Variants in GDF15 observed in about 807,000 individuals in gnomAD.
GDF15 encodes growth/differentiation factor 15.
Under a neutral mutation model 8.9 loss-of-function variants are expected in GDF15, and 10 were observed. That is an observed-to-expected ratio of 1.12 (90% CI 0.69 to 1.90). The LOEUF (loss-of-function observed/expected upper bound fraction) is 1.90, where lower values mean the gene tolerates loss of function less well. GDF15 is among the 40% of genes most tolerant of loss of function. GDF15 has a pLI of 0.00. For missense variants in GDF15, 452 were observed against 434.2 expected (o/e 1.04, Z -0.36); for synonymous variants, 228 against 210.6 (o/e 1.08, Z -0.72).
rs370432678 is a variant in GDF15, at chr19:18,386,264, G to T, written c.75G>T (p.Pro25=). Residue 25 remains proline, a synonymous_variant, in exon 1 of 2, where the codon CCG becomes CCT. Transcript: ENST00000252809. ...TGTTGCTGGTGCTCTCGTGGCTGCC[G>T]CATGGGGGCGCCCTGTCTCTGGCCG... ...LLVLLVLSWL[P]HGGALSLAEA... 548 of 1,613,794 alleles carry T rather than the reference G, an allele frequency of 3.4e-4. No individual in the cohort carries two copies. The highest frequency in any genetic ancestry group is 4.5e-4 in the Non-Finnish European group (534 of 1,180,010).
Position 18,388,498 on chromosome 19 carries a change from T to TCGC in GDF15, c.491_493dup (p.Ser164_Gln165insPro), listed in dbSNP as rs2144616238. On this transcript the variant is annotated inframe_insertion, in exon 2 of 2. Transcript: ENST00000252809. This position sits in a 1 kb window ranked among gnomAD's most constrained non-coding sequence, Gnocchi z 4.2. ...GCACCTGCGACTGTCGCCGCCGCCG[T>TCGC]CGCAGTCGGACCAACTGCTGGCAGA... 4 of 1,604,264 alleles carry TCGC rather than the reference T, an allele frequency of 2.5e-6. No homozygotes were observed. The highest frequency in any genetic ancestry group is 3.4e-6 in the Non-Finnish European group (4 of 1,177,522).
In GDF15 at chr19:18,389,150, GATAAAA is replaced by G. The variant is rs1197750217; in HGVS notation, c.*221_*226del. 8 of 457,262 alleles carry G rather than the reference GATAAAA, an allele frequency of 1.7e-5. No homozygotes were observed. The highest frequency in any genetic ancestry group is 3.1e-5 in the Non-Finnish European group (8 of 259,232). The allele number at this position is 457,262 out of a possible 1,614,324, so 28.3% of individuals were successfully genotyped here. A position where few individuals can be genotyped will look rare whatever the true frequency, so the allele number is the denominator to read the frequency against. On this transcript the variant is annotated 3_prime_UTR_variant, in exon 2 of 2. Transcript: ENST00000252809. Reference sequence around the variant, plus strand: ...CTGTGTATTTATTTAAAACTCTGGTGATAAAAATAAAGCTGTCTGAACTGTTCCCTG... The same window carrying G: ...CTGTGTATTTATTTAAAACTCTGGTGATAAAGCTGTCTGAACTGTTCCCTG...
chr19:18,386,358 C>A lies in GDF15; in HGVS notation c.169C>A (p.Arg57=), dbSNP rs778245434. 2 of 1,614,052 alleles carry A rather than the reference C, an allele frequency of 1.2e-6. No individual in the cohort carries two copies. The highest frequency in any genetic ancestry group is 2.2e-5 in the South Asian group (2 of 91,086). Residue 57 remains arginine, a synonymous_variant, in exon 1 of 2, where the codon CGG becomes AGG. Transcript: ENST00000252809. ...HSEDSRFREL[R]KRYEDLLTRL... ...CGAAGACTCCAGATTCCGAGAGTTG[C>A]GGAAACGCTACGAGGACCTGCTAAC...
At position 18,388,812 on chromosome 19, in the gene GDF15, G is replaced by C; in HGVS notation, c.804G>C (p.Thr268=). Residue 268 remains threonine, a synonymous_variant, in exon 2 of 2, where the codon ACG becomes ACC. Transcript: ENST00000252809. The surrounding 1 kb of genome is among the most constrained non-coding windows in gnomAD (Gnocchi z 4.2). Reference sequence around the variant, plus strand: ...GCCTGCACCGCCTGAAGCCCGACACGGTGCCAGCGCCCTGCTGCGTGCCCG... The same window carrying C: ...GCCTGCACCGCCTGAAGCCCGACACCGTGCCAGCGCCCTGCTGCGTGCCCG... ...KTSLHRLKPD[T]VPAPCCVPAS... 6.2e-7 allele frequency: 1 copy of C among 1,612,004 alleles called. No individual in the cohort carries two copies. Among genetic ancestry groups the C allele is most frequent in the Non-Finnish European group, 8.5e-7 (1 of 1,179,978 alleles).
In GDF15 at chr19:18,388,794, C is replaced by G; in HGVS notation, c.786C>G (p.His262Gln). 1 of 1,611,704 alleles carries G rather than the reference C, an allele frequency of 6.2e-7. No individual in the cohort carries two copies. ...NMHAQIKTSL[H>Q]RLKPDTVPAP... is the part of the protein sequence containing the mutation. ...ACGCGCAGATCAAGACGAGCCTGCA[C>G]CGCCTGAAGCCCGACACGGTGCCAG... Residue 262 changes from histidine to glutamine, a missense_variant, in exon 2 of 2, where the codon CAC (histidine) becomes CAG (glutamine). Coordinates refer to ENST00000252809, the MANE Select transcript of GDF15 (RefSeq NM_004864.4). This position sits in a 1 kb window ranked among gnomAD's most constrained non-coding sequence, Gnocchi z 4.2.
Position 18,388,592 on chromosome 19 carries a change from C to A in GDF15, c.584C>A (p.Ala195Glu). Residue 195 changes from alanine (A) to glutamate (E), a missense_variant, in exon 2 of 2, where the codon GCG becomes GAG. By Grantham distance (107) the Ala-to-Glu change is moderately radical. Transcript: ENST00000252809. The surrounding 1 kb of genome is among the most constrained non-coding windows in gnomAD (Gnocchi z 4.2). ...RPQAARGRRR[A>E]RARNGDHCPL... ...CAAGCCGCCAGGGGGCGCCGCAGAG[C>A]GCGTGCGCGCAACGGGGACCACTGT... The A allele has an allele frequency of 6.2e-7, 1 of 1,600,738 alleles. No individual in the cohort carries two copies. Among genetic ancestry groups the A allele is most frequent in the Non-Finnish European group, 8.5e-7 (1 of 1,176,978 alleles).
Position 18,389,106 on chromosome 19 carries a change from G to A in GDF15, c.*171G>A, listed in dbSNP as rs1971870911. ...ATTGGGGTGACCTTCTTGGGGACTCGGGGGCTGGTCTGATGGAACTGTGTA... is the reference window on the plus strand; with the variant it reads ...ATTGGGGTGACCTTCTTGGGGACTCAGGGGCTGGTCTGATGGAACTGTGTA... On this transcript the variant is annotated 3_prime_UTR_variant, in exon 2 of 2. Coordinates refer to ENST00000252809, the MANE Select transcript of GDF15 (RefSeq NM_004864.4). The A allele has an allele frequency of 3.7e-6, 2 of 537,782 alleles. No individual in the cohort carries two copies. The highest frequency in any genetic ancestry group is 6.2e-5 in the East Asian group (2 of 32,188). The allele number at this position is 537,782 out of a possible 1,614,324, so 33.3% of individuals were successfully genotyped here. A position where few individuals can be genotyped will look rare whatever the true frequency, so the allele number is the denominator to read the frequency against.
At chr19:18,387,657 G>A (rs988982351) in intron 1 of GDF15, among the ~76,000 whole-genome samples, 2 of 152,030 alleles carry the variant, frequency 1.3e-5, no homozygotes, top group African/African-American at 2.4e-5. Context: ...CACCTATTGT[G>A]TGCCAGGCAC....
Position 18,388,380 on chromosome 19 carries a change from G to A in GDF15, c.372G>A (p.Leu124=). 1 of 1,611,778 alleles carries A rather than the reference G, an allele frequency of 6.2e-7. No individual in the cohort carries two copies. Among genetic ancestry groups the A allele is most frequent in the East Asian group, 2.2e-5 (1 of 44,846 alleles). The part of the protein sequence containing the change: ...LPEASRLHRA[L]FRLSPTASRS... ...AGGCCTCCCGCCTTCACCGGGCTCT[G>A]TTCCGGCTGTCCCCGACGGCGTCAA... Residue 124 remains leucine, a synonymous_variant, in exon 2 of 2, where the codon CTG becomes CTA. Coordinates refer to ENST00000252809, the MANE Select transcript of GDF15 (RefSeq NM_004864.4). This position sits in a 1 kb window ranked among gnomAD's most constrained non-coding sequence, Gnocchi z 4.2.
Position 18,388,619 on chromosome 19 carries a change from C to G in GDF15, c.611C>G (p.Pro204Arg). 1 of 1,598,078 alleles carries G rather than the reference C, an allele frequency of 6.3e-7. No individual in the cohort carries two copies. The change falls in exon 2 of 2, where the codon CCG becomes CGG. Residue 204 changes from proline to arginine, a missense_variant. Transcript: ENST00000252809. This position sits in a 1 kb window ranked among gnomAD's most constrained non-coding sequence, Gnocchi z 4.2. ...RARARNGDHC[P>R]LGPGRCCRLH... ...CGTGCGCGCAACGGGGACCACTGTC[C>G]GCTCGGGCCCGGGCGTTGCTGCCGT...
Position 18,386,211 on chromosome 19 carries a change from A to T in GDF15, c.22A>T (p.Thr8Ser). The change falls in exon 1 of 2, where the codon ACG (threonine) becomes TCG (serine). Residue 8 changes from threonine (T) to serine (S), a missense_variant. Thr to Ser is a moderately conservative substitution (Grantham distance 58). Coordinates refer to ENST00000252809, the MANE Select transcript of GDF15 (RefSeq NM_004864.4). ...AGCCATGCCCGGGCAAGAACTCAGG[A>T]CGGTGAATGGCTCTCAGATGCTCCT... MPGQELR[T>S]VNGSQMLLVL... The T allele has an allele frequency of 6.2e-7, 1 of 1,612,360 alleles. No individual in the cohort carries two copies. Among genetic ancestry groups the T allele is most frequent in the Non-Finnish European group, 8.5e-7 (1 of 1,179,736 alleles).
At position 18,388,655 on chromosome 19, in the gene GDF15, T is replaced by C. The variant is rs751442752; in HGVS notation, c.647T>C (p.Val216Ala). 5.0e-6 allele frequency: 8 copies of C among 1,602,192 alleles called. No homozygotes were observed. In the African/African-American group the frequency reaches 1.1e-4, roughly 21 times the overall value. ...GGGCGTTGCTGCCGTCTGCACACGG[T>C]CCGCGCGTCGCTGGAAGACCTGGGC... ...GPGRCCRLHT[V>A]RASLEDLGWA... The change falls in exon 2 of 2, where the codon GTC (valine) becomes GCC (alanine). Residue 216 changes from valine (V) to alanine (A), a missense_variant. By Grantham distance (64) the Val-to-Ala change is moderately conservative. Coordinates refer to ENST00000252809, the MANE Select transcript of GDF15 (RefSeq NM_004864.4). The surrounding 1 kb of genome is among the most constrained non-coding windows in gnomAD (Gnocchi z 4.2).
At position 18,388,722 on chromosome 19, in the gene GDF15, C is replaced by A; in HGVS notation, c.714C>A (p.Thr238=). 1.2e-6 allele frequency: 2 copies of A among 1,609,258 alleles called. No individual in the cohort carries two copies. Among genetic ancestry groups the A allele is most frequent in the Non-Finnish European group, 8.5e-7 (1 of 1,179,248 alleles). The change falls in exon 2 of 2, where the codon ACC becomes ACA. Residue 238 remains threonine, a synonymous_variant. Transcript: ENST00000252809. The surrounding 1 kb of genome is among the most constrained non-coding windows in gnomAD (Gnocchi z 4.2). ...TGTCGCCACGGGAGGTGCAAGTGACCATGTGCATCGGCGCGTGCCCGAGCC... is the reference window on the plus strand; with the variant it reads ...TGTCGCCACGGGAGGTGCAAGTGACAATGTGCATCGGCGCGTGCCCGAGCC... ...WVLSPREVQV[T]MCIGACPSQF... is the part of the protein sequence containing the mutation.
rs1465439971 is a variant in GDF15 at position 18,388,665 on chromosome 19, G to A, written c.657G>A (p.Ser219=). The stretch of plus-strand genomic sequence containing the variant: ...GCCGTCTGCACACGGTCCGCGCGTC[G>A]CTGGAAGACCTGGGCTGGGCCGATT... ...RCCRLHTVRA[S]LEDLGWADWV... Residue 219 remains serine (S), a synonymous_variant, in exon 2 of 2, where the codon TCG becomes TCA. Coordinates refer to ENST00000252809, the MANE Select transcript of GDF15 (RefSeq NM_004864.4). This position sits in a 1 kb window ranked among gnomAD's most constrained non-coding sequence, Gnocchi z 4.2. 2 of 1,603,040 alleles carry A rather than the reference G, an allele frequency of 1.2e-6. No individual in the cohort carries two copies. The highest frequency in any genetic ancestry group is 1.7e-6 in the Non-Finnish European group (2 of 1,175,398).
rs749362675 is a variant in GDF15 at position 18,386,584 on chromosome 19, C to T, written c.277+118C>T. 6.3e-5 allele frequency: 54 copies of T among 852,220 alleles called. No homozygotes were observed. The South Asian group carries it at 9.0e-4, about 14-fold the overall frequency. 52.8% of individuals were successfully genotyped at this position (852,220 alleles called of 1,614,324 possible). On this transcript the variant is annotated intron_variant, in intron 1 of 1. Coordinates refer to ENST00000252809, the MANE Select transcript of GDF15 (RefSeq NM_004864.4). ...TGAGCCTCAGTTGCCCCATCTGTGC[C>T]CTGGGTAGGAATATCCTGGATCCCC...
chr19:18,388,387 C>G lies in GDF15; in HGVS notation c.379C>G (p.Leu127Val), dbSNP rs1971855789. ...CCGCCTTCACCGGGCTCTGTTCCGG[C>G]TGTCCCCGACGGCGTCAAGGTCGTG... ...ASRLHRALFR[L>V]SPTASRSWDV... Residue 127 changes from leucine to valine, a missense_variant, in exon 2 of 2, where the codon CTG becomes GTG. Coordinates refer to ENST00000252809, the MANE Select transcript of GDF15 (RefSeq NM_004864.4). The surrounding 1 kb of genome is among the most constrained non-coding windows in gnomAD (Gnocchi z 4.2). The G allele has an allele frequency of 6.2e-7, 1 of 1,611,622 alleles. No individual in the cohort carries two copies. The highest frequency in any genetic ancestry group is 1.7e-5 in the Admixed American group (1 of 59,950).
rs1356128295 is a variant in GDF15, at chr19:18,388,661, C to T, written c.653C>T (p.Ala218Val). The change falls in exon 2 of 2, where the codon GCG becomes GTG. Residue 218 changes from alanine (A) to valine (V), a missense_variant. Coordinates refer to ENST00000252809, the MANE Select transcript of GDF15 (RefSeq NM_004864.4). The surrounding 1 kb of genome is among the most constrained non-coding windows in gnomAD (Gnocchi z 4.2). ...TGCTGCCGTCTGCACACGGTCCGCG[C>T]GTCGCTGGAAGACCTGGGCTGGGCC... Reference protein sequence around the residue: ...GRCCRLHTVRASLEDLGWADW... With the variant: ...GRCCRLHTVRVSLEDLGWADW... 1 of 1,602,812 alleles carries T rather than the reference C, an allele frequency of 6.2e-7. No homozygotes were observed. Among genetic ancestry groups the T allele is most frequent in the Admixed American group, 1.7e-5 (1 of 59,754 alleles).
chr19:18,386,412 G>A lies in GDF15; in HGVS notation c.223G>A (p.Asp75Asn), dbSNP rs1439525682. 6.2e-7 allele frequency: 1 copy of A among 1,613,890 alleles called. No individual in the cohort carries two copies. The highest frequency in any genetic ancestry group is 8.5e-7 in the Non-Finnish European group (1 of 1,180,028). Residue 75 changes from aspartate to asparagine, a missense_variant, in exon 1 of 2, where the codon GAT becomes AAT. Transcript: ENST00000252809. ...TRLRANQSWEDSNTDLVPAPA... is the reference protein window; with the variant it reads ...TRLRANQSWENSNTDLVPAPA... ...GCTGCGGGCCAACCAGAGCTGGGAA[G>A]ATTCGAACACCGACCTCGTCCCGGC... is the stretch of plus-strand genomic sequence containing the variant.
At position 18,388,458 on chromosome 19, in the gene GDF15, C is replaced by T; in HGVS notation, c.450C>T (p.Pro150=). ...GGCGTCAGCTCAGCCTTGCAAGACC[C>T]CAGGCGCCCGCGCTGCACCTGCGAC... ...PLRRQLSLAR[P]QAPALHLRLS... Residue 150 remains proline, a synonymous_variant, in exon 2 of 2, where the codon CCC becomes CCT. Transcript: ENST00000252809. This position sits in a 1 kb window ranked among gnomAD's most constrained non-coding sequence, Gnocchi z 4.2. 1 of 1,609,280 alleles carries T rather than the reference C, an allele frequency of 6.2e-7. No homozygotes were observed. Among genetic ancestry groups the T allele is most frequent in the South Asian group, 1.1e-5 (1 of 90,896 alleles).
Sources: allele counts gnomAD v4.1 joint callset (sites outside exome capture counted in the v4.1 genomes callset), GRCh38; gene constraint gnomAD v4.1.1; non-coding constraint Gnocchi (gnomAD v3.1); transcripts MANE v1.5; gene names NCBI Gene and HGNC (gene_info 2026-07-23, HGNC 2026-07-21).